AFDN: variants seen among roughly 807,000 people sequenced by gnomAD.
The protein encoded by AFDN is afadin, adherens junction formation factor, also known as afadin.
A neutral mutation model predicts 216.6 loss-of-function variants in AFDN; 68 were observed. That is an observed-to-expected ratio of 0.31 (90% CI 0.26 to 0.38). AFDN has a LOEUF of 0.38. Ranked by LOEUF, AFDN falls within the 10% of genes least tolerant of loss-of-function variation. The probability of loss-of-function intolerance (pLI) is 1.00; values close to 1 mark genes in which losing one functional copy is unlikely to be tolerated. For missense variants in AFDN, 2,136 were observed against 2,342.0 expected, an observed-to-expected ratio of 0.91 and a Z score of 1.82; for synonymous variants, 868 against 853.7, an observed-to-expected ratio of 1.02 and a Z score of -0.29.
rs561924816 is a variant in AFDN at position 167,832,635 on chromosome 6, T to C, written c.105+5398T>C. Among the ~76,000 whole-genome samples, 316 of 152,330 alleles carry C rather than the reference T, an allele frequency of 2.1e-3. 3 individuals carry two copies. Among genetic ancestry groups the C allele is most frequent in the African/African-American group, 7.3e-3 (303 of 41,574 alleles). On this transcript the variant is annotated intron_variant, in intron 1 of 33. Transcript: ENST00000683244. ...TACAAGCAGGAAGGTATTTTCCCAGTGTATTTCCAAAAAGGATAATTTGAA... is the reference window on the plus strand; with the variant it reads ...TACAAGCAGGAAGGTATTTTCCCAGCGTATTTCCAAAAAGGATAATTTGAA...
At chr6:167,939,096 G>A (rs1794365632) in intron 23 of AFDN, among the ~76,000 whole-genome samples, 1 of 152,040 alleles carries the variant, frequency 6.6e-6, no homozygotes, top group African/African-American at 2.4e-5. Flanking sequence ...GGAGGAAGGA[G>A]GCTTGATTTA....
intron 1 of AFDN, among the ~76,000 whole-genome samples, chr6:167,846,422 GT>G (rs2128153054): frequency 6.6e-6 from 1 of 152,060 alleles, no homozygotes; most frequent in African/African-American, 2.4e-5. Flanking sequence ...AACTATAGGG[GT>G]GTTTTTTTCT....
chr6:167,958,099 C>T (rs1796699115), intron 30 of AFDN, among the ~76,000 whole-genome samples: 1 of 152,190 alleles, frequency 6.6e-6, no homozygotes, highest in South Asian at 2.1e-4. Context: ...GAAAATTCCA[C>T]ACCTGACCTC....
intron 32 of AFDN, 74 bp downstream of exon 32, chr6:167,966,119 C>G: frequency 6.5e-7 from 1 of 1,535,822 alleles, no homozygotes; most frequent in South Asian, 1.2e-5. Context: ...CACGGCCACC[C>G]CCCTGCCAGC....
chr6:167,946,807 G>A lies in AFDN; in HGVS notation c.3459G>A (p.Leu1153=). 1 of 1,613,412 alleles carries A rather than the reference G, an allele frequency of 6.2e-7. No individual in the cohort carries two copies. The highest frequency in any genetic ancestry group is 8.5e-7 in the Non-Finnish European group (1 of 1,179,820). The change falls in exon 27 of 34, where the codon CTG becomes CTA. Residue 1153 remains leucine (L), a synonymous_variant. Coordinates refer to ENST00000683244, the MANE Select transcript of AFDN (RefSeq NM_001386888.1). The part of the protein sequence containing the change: ...TQNGSPESPQ[L]PWAEYSEPKK... Reference sequence around the variant, plus strand: ...ATGGGTCTCCTGAGAGTCCTCAGCTGCCTTGGGCAGAATATAGTGAACCAA... The same window carrying A: ...ATGGGTCTCCTGAGAGTCCTCAGCTACCTTGGGCAGAATATAGTGAACCAA...
chr6:167,832,541 T>C (rs1779942709), intron 1 of AFDN, among the ~76,000 whole-genome samples: 1 of 152,132 alleles, frequency 6.6e-6, no homozygotes, highest in African/African-American at 2.4e-5. Flanking sequence ...CAAAACCATA[T>C]TAGAATTTAA....
intron 1 of AFDN, among the ~76,000 whole-genome samples, chr6:167,861,012 G>C (rs560005543): frequency 6.6e-6 from 1 of 152,346 alleles, no homozygotes; most frequent in Admixed American, 6.5e-5. Flanking sequence ...AATGCTGGCT[G>C]TACCTCAGCC....
intron 32 of AFDN, chr6:167,966,339 C>A: frequency 7.6e-7 from 1 of 1,315,836 alleles, no homozygotes; most frequent in Non-Finnish European, 1.0e-6. Context: ...TCTCTCTGCA[C>A]ACTTGCCCTG....
At chr6:167,968,751 T>A (rs1302004208) in intron 32 of AFDN, 3 of 215,184 alleles carry the variant, frequency 1.4e-5, no homozygotes, top group Non-Finnish European at 2.9e-5. Context: ...CTTTTGATCC[T>A]CAACAATCCA....
At chr6:167,872,172 T>G (rs551058033) in intron 3 of AFDN, 42 bp from the exon 4 acceptor site, 4 of 1,569,752 alleles carry the variant, frequency 2.5e-6, no homozygotes, top group Middle Eastern at 1.9e-4. Context: ...TTTATGTGAT[T>G]CTGCATAGTA....
Position 167,910,017 on chromosome 6 carries a change from A to G in AFDN, c.1770-1084A>G, listed in dbSNP as rs115003615. Among the ~76,000 whole-genome samples, 1,302 of 152,334 alleles carry G rather than the reference A, an allele frequency of 8.5e-3. 21 individuals carry two copies. Among genetic ancestry groups the G allele is most frequent in the African/African-American group, 0.028 (1,179 of 41,576 alleles). ...ATACAGTGGGTAGCGAACTTAGAGT[A>G]ATAAGTAAATGGCTTGAAGTTCTAA... is the stretch of plus-strand genomic sequence containing the variant. On this transcript the variant is annotated intron_variant, in intron 13 of 33. Transcript: ENST00000683244.
intron 23 of AFDN, among the ~76,000 whole-genome samples, chr6:167,940,260 G>C (rs1212021118): frequency 6.7e-6 from 1 of 149,730 alleles, no homozygotes; most frequent in Non-Finnish European, 1.5e-5. Flanking sequence ...TGTGTGGACA[G>C]ACACAGAGGG....
At chr6:167,847,455 TGCACTCTCATCGGCACC>T (rs1255021172) in intron 1 of AFDN, among the ~76,000 whole-genome samples, 32 of 152,142 alleles carry the variant, frequency 2.1e-4, no homozygotes, top group Non-Finnish European at 3.4e-4. Flanking sequence ...TTCCCACCAC[TGCACTCTCATCGGCACC>T]GCACTCTCAT....
At chr6:167,886,091 A>G (rs1336607439) in intron 6 of AFDN, among the ~76,000 whole-genome samples, 1 of 152,182 alleles carries the variant, frequency 6.6e-6, no homozygotes, top group Non-Finnish European at 1.5e-5. Context: ...GTAATCTCAC[A>G]GTAGTTTTTT....
chr6:167,831,016 A>T (rs528688356), intron 1 of AFDN, among the ~76,000 whole-genome samples: 2 of 129,826 alleles, frequency 1.5e-5, no homozygotes, highest in Non-Finnish European at 3.0e-5. Context: ...ATCTCAGCTC[A>T]TTACAACCTC....
chr6:167,883,989 A>C (rs1245577183), intron 6 of AFDN, among the ~76,000 whole-genome samples: 2 of 152,226 alleles, frequency 1.3e-5, no homozygotes, highest in South Asian at 2.1e-4. Flanking sequence ...CCACTGCTTT[A>C]TCAACTAAGT....
rs74641870 is a variant in AFDN, at chr6:167,931,653, A to G, written c.3099+6562A>G. Among the ~76,000 whole-genome samples the G allele has an allele frequency of 2.6e-3, 401 of 152,158 alleles. 3 individuals are homozygous for G. Among genetic ancestry groups the G allele is most frequent in the African/African-American group, 9.0e-3 (372 of 41,508 alleles). Reference sequence around the variant, plus strand: ...TGGTACTTGGAAAGTCATCTAATACATACACACTGCCGAGATAACACTGTA... The same window carrying G: ...TGGTACTTGGAAAGTCATCTAATACGTACACACTGCCGAGATAACACTGTA... On this transcript the variant is annotated intron_variant, in intron 23 of 33. Coordinates refer to ENST00000683244, the MANE Select transcript of AFDN (RefSeq NM_001386888.1).
rs754669359 is a variant in AFDN, at chr6:167,891,009, A to G, written c.1157A>G (p.Tyr386Cys). 39 of 1,613,034 alleles carry G rather than the reference A, an allele frequency of 2.4e-5. No individual in the cohort carries two copies. The highest frequency in any genetic ancestry group is 3.3e-5 in the Admixed American group (2 of 59,814). Residue 386 changes from tyrosine (Y) to cysteine (C), a missense_variant, in exon 8 of 34, where the codon TAT (tyrosine) becomes TGT (cysteine). Physicochemically the swap from Tyr to Cys is radical, Grantham distance 194. Around this residue, in one of 8 missense-constraint regions of AFDN, gnomAD observed 817 missense variants for 965.7 expected, o/e 0.85. Transcript: ENST00000683244. Reference protein sequence around the residue: ...GSTLPPEKLPYLVELSPGRRN... With the variant: ...GSTLPPEKLPCLVELSPGRRN... ...ACCCTTCCTCCGGAGAAGCTGCCCT[A>G]TTTAGTAGAGTTAAGCCCAGGTGAG...
rs367772466 is a variant in AFDN at position 167,912,869 on chromosome 6, CA to C, written c.2038-528del. Among the ~76,000 whole-genome samples, 414 of 152,174 alleles carry C rather than the reference CA, an allele frequency of 2.7e-3. 4 individuals carry two copies. The highest frequency in any genetic ancestry group is 9.2e-3 in the African/African-American group (381 of 41,524). On this transcript the variant is annotated intron_variant, in intron 15 of 33. Transcript: ENST00000683244. Reference sequence around the variant, plus strand: ...TAGTGAATAATTTAAATTCTATTTTCAAAAAACAAAGAATTTGCTCCCTTTA... The same window carrying C: ...TAGTGAATAATTTAAATTCTATTTTCAAAAACAAAGAATTTGCTCCCTTTA...
Sources: gnomAD v4.1 joint callset for allele counts (sites outside exome capture counted in the v4.1 genomes callset) on GRCh38, gnomAD v4.1.1 for gene constraint, gnomAD v4.1.1 regional missense constraint, MANE v1.5 for transcripts, NCBI Gene and HGNC (gene_info 2026-07-23, HGNC 2026-07-21) for gene names.